The following MAP1S variants were observed in gnomAD, a reference collection of about 807,000 sequenced individuals.
MAP1S encodes the protein microtubule-associated protein 1S.
MAP1S carries 27 observed loss-of-function variants against 60.9 expected under a neutral mutation model. That is an observed-to-expected ratio of 0.44 (90% CI 0.33 to 0.61). The LOEUF is 0.61. Among genes scored for constraint, MAP1S ranks in the 20% least tolerant of loss-of-function variants. The pLI is 0.03. For synonymous variants in MAP1S, 826 were observed against 694.2 expected (o/e 1.19, Z -2.98); for missense variants, 1,608 against 1,486.6 (o/e 1.08, Z -1.34).
At chr19:17,729,389 C>G (rs1464869009) in intron 5 of MAP1S, among the ~76,000 whole-genome samples, 1 of 152,210 alleles carries the variant, frequency 6.6e-6, no homozygotes, top group African/African-American at 2.4e-5. Flanking sequence ...CAGGGAGCCC[C>G]TCTCAGACAG....
intron 1 of MAP1S, chr19:17,720,441 G>T: frequency 6.5e-7 from 1 of 1,534,762 alleles, no homozygotes; most frequent in South Asian, 1.2e-5. Context: ...GTCTGGTTTG[G>T]GGATGGACCC....
chr19:17,730,613 G>A (rs2080484701), intron 5 of MAP1S, among the ~76,000 whole-genome samples: 2 of 152,154 alleles, frequency 1.3e-5, no homozygotes, highest in South Asian at 2.1e-4. Flanking sequence ...ACCATACCTA[G>A]CCCCCTTTGC....
intron 1 of MAP1S, chr19:17,720,575 CT>C (rs2080361926): frequency 1.4e-6 from 2 of 1,398,410 alleles, no homozygotes; most frequent in Non-Finnish European, 9.4e-7. Flanking sequence ...GAAGGGCCCC[CT>C]GGCCAGTAGG....
Position 17,734,333 on chromosome 19 carries a change from G to A in MAP1S, c.3085G>A (p.Ala1029Thr), listed in dbSNP as rs1430821721. 11 of 1,613,838 alleles carry A rather than the reference G, an allele frequency of 6.8e-6. No homozygotes were observed. The highest frequency in any genetic ancestry group is 2.2e-5 in the East Asian group (1 of 44,860). ...GCATACGTGGTACGCAGAGACGCACGCCCGGCACCAGGCGCTGGGCATCAC... is the reference window on the plus strand; with the variant it reads ...GCATACGTGGTACGCAGAGACGCACACCCGGCACCAGGCGCTGGGCATCAC... ...AMHTWYAETH[A>T]RHQALGITVL... The change falls in exon 7 of 7, where the codon GCC becomes ACC. Residue 1029 changes from alanine (A) to threonine (T), a missense_variant. Ala to Thr is a moderately conservative substitution (Grantham distance 58). This residue lies in a region of MAP1S where 76 missense variants were observed against 110.1 expected (regional missense o/e 0.69). Coordinates refer to ENST00000324096, the MANE Select transcript of MAP1S (RefSeq NM_018174.6).
In MAP1S at chr19:17,726,903, G is replaced by A. The variant is rs1438787795; in HGVS notation, c.1519G>A (p.Ala507Thr). ...CCCTGGGGTGGCCCGCAAGGAGCCA[G>A]CACGGGCTGAGGCCCCACGCAAGAC... ...ERPGVARKEP[A>T]RAEAPRKTEK... Residue 507 changes from alanine to threonine, a missense_variant, in exon 5 of 7, where the codon GCA (alanine) becomes ACA (threonine). Transcript: ENST00000324096. The A allele has an allele frequency of 6.4e-7, 1 of 1,561,466 alleles. No individual in the cohort carries two copies. Among genetic ancestry groups the A allele is most frequent in the Non-Finnish European group, 8.7e-7 (1 of 1,153,358 alleles).
rs1188726298 is a variant in MAP1S, at chr19:17,724,165, C to T, written c.260C>T (p.Thr87Ile). 6.2e-7 allele frequency: 1 copy of T among 1,613,978 alleles called. No homozygotes were observed. The highest frequency in any genetic ancestry group is 8.5e-7 in the Non-Finnish European group (1 of 1,179,966). The change falls in exon 3 of 7, where the codon ACC becomes ATC. Residue 87 changes from threonine (T) to isoleucine (I), a missense_variant. This residue lies in a region of MAP1S where 320 missense variants were observed against 393.1 expected (regional missense o/e 0.81). Coordinates refer to ENST00000324096, the MANE Select transcript of MAP1S (RefSeq NM_018174.6). ...SLHHRGDNLE[T>I]LVLLNPSDKS... is the part of the protein sequence containing the mutation. Reference sequence around the variant, plus strand: ...CACCACCGTGGAGACAACCTGGAGACCCTGGTCCTCCTGAACCCATCAGAC... The same window carrying T: ...CACCACCGTGGAGACAACCTGGAGATCCTGGTCCTCCTGAACCCATCAGAC...
Position 17,726,699 on chromosome 19 carries a change from G to C in MAP1S, c.1315G>C (p.Ala439Pro). 1 of 1,589,664 alleles carries C rather than the reference G, an allele frequency of 6.3e-7. No individual in the cohort carries two copies. Among genetic ancestry groups the C allele is most frequent in the Non-Finnish European group, 8.5e-7 (1 of 1,171,840 alleles). The change falls in exon 5 of 7, where the codon GCC (alanine) becomes CCC (proline). Residue 439 changes from alanine to proline, a missense_variant. Physicochemically the swap from Ala to Pro is conservative, Grantham distance 27 (BLOSUM62 -1). This residue lies in a region of MAP1S where 1,167 missense variants were observed against 961.4 expected (regional missense o/e 1.21). Transcript: ENST00000324096. ...GCTGTTCCCCGGTTGCACCCCGCCC[G>C]CCTGCCTCCTGGACGGCCTGGTCCG... ...RVLFPGCTPP[A>P]CLLDGLVRLQ...
At position 17,726,343 on chromosome 19, in the gene MAP1S, G is replaced by T; in HGVS notation, c.959G>T (p.Gly320Val). 1.2e-6 allele frequency: 2 copies of T among 1,601,674 alleles called. No homozygotes were observed. Among genetic ancestry groups the T allele is most frequent in the African/African-American group, 1.3e-5 (1 of 74,976 alleles). ...CGCTCCGAGGTGGCTGCTGGTGGGG[G>T]CTCCTGGGACGACAGGCTGCGCAGG... The part of the protein sequence containing the change: ...AERSEVAAGG[G>V]SWDDRLRRLI... Residue 320 changes from glycine to valine, a missense_variant, in exon 5 of 7, where the codon GGC becomes GTC. Transcript: ENST00000324096.
At position 17,726,696 on chromosome 19, in the gene MAP1S, C is replaced by A. The variant is rs754355639; in HGVS notation, c.1312C>A (p.Pro438Thr). ...CGTGCTGTTCCCCGGTTGCACCCCG[C>A]CCGCCTGCCTCCTGGACGGCCTGGT... is the stretch of plus-strand genomic sequence containing the variant. ...VRVLFPGCTP[P>T]ACLLDGLVRL... Residue 438 changes from proline (P) to threonine (T), a missense_variant, in exon 5 of 7, where the codon CCC (proline) becomes ACC (threonine). This residue lies in a region of MAP1S where 1,167 missense variants were observed against 961.4 expected (regional missense o/e 1.21). Transcript: ENST00000324096. The A allele has an allele frequency of 5.0e-6, 8 of 1,588,816 alleles. No homozygotes were observed. In the South Asian group the frequency reaches 9.1e-5, roughly 18 times the overall value.
intron 2 of MAP1S, among the ~76,000 whole-genome samples, chr19:17,721,616 G>A (rs2080371647): frequency 6.6e-6 from 1 of 152,214 alleles, no homozygotes; most frequent in Admixed American, 6.5e-5. Flanking sequence ...AGAGGTTACA[G>A]TGGGGCTGAG....
intron 5 of MAP1S, among the ~76,000 whole-genome samples, chr19:17,731,560 C>G (rs1351459130): frequency 6.6e-6 from 1 of 152,194 alleles, no homozygotes. Flanking sequence ...CTTGATTCTT[C>G]TATTTCATGA....
Position 17,722,753 on chromosome 19 carries a change from A to AAG in MAP1S, c.221-1358_221-1357dup, listed in dbSNP as rs766560592. ...AATAGAGGGAGATTCCATCTCAAAA[A>AAG]AGAGAGAGAGAGAGAGGGAGGGAGG... On this transcript the variant is annotated intron_variant, in intron 2 of 6. Coordinates refer to ENST00000324096, the MANE Select transcript of MAP1S (RefSeq NM_018174.6). 1.0e-3 allele frequency among the ~76,000 whole-genome samples: 126 copies of AAG among 125,836 alleles called. 1 individual carries two copies. The highest frequency in any genetic ancestry group is 3.2e-3 in the African/African-American group (120 of 37,252). 82.6% of individuals were successfully genotyped at this position (125,836 alleles called of 152,430 possible). A position where few individuals can be genotyped will look rare whatever the true frequency, so the allele number is the denominator to read the frequency against.
chr19:17,727,908 A>G lies in MAP1S; in HGVS notation c.2524A>G (p.Met842Val), dbSNP rs1407334077. 1 of 1,611,506 alleles carries G rather than the reference A, an allele frequency of 6.2e-7. No individual in the cohort carries two copies. The highest frequency in any genetic ancestry group is 8.5e-7 in the Non-Finnish European group (1 of 1,179,524). Residue 842 changes from methionine to valine, a missense_variant, in exon 5 of 7, where the codon ATG becomes GTG. By Grantham distance (21) the Met-to-Val change is conservative. This residue lies in a region of MAP1S where 1,167 missense variants were observed against 961.4 expected (regional missense o/e 1.21). Coordinates refer to ENST00000324096, the MANE Select transcript of MAP1S (RefSeq NM_018174.6). The surrounding 1 kb of genome is among the most constrained non-coding windows in gnomAD (Gnocchi z 4.1). ...ACTGCCTGACCCATCCAGCATCTGC[A>G]TGGTGGACCCCGAGATGCTGCCCCC... ...PPLPDPSSIC[M>V]VDPEMLPPKT...
Position 17,725,469 on chromosome 19 carries a change from G to A in MAP1S, c.444+280G>A, listed in dbSNP as rs1231274632. On this transcript the variant is annotated intron_variant, in intron 4 of 6. Transcript: ENST00000324096. The surrounding 1 kb of genome is among the most constrained non-coding windows in gnomAD (Gnocchi z 4.2). Reference sequence around the variant, plus strand: ...TTCCTGGTGCCCGCAGTCTGGGTAGGACACATGGGCAAAATGGCAAACCTC... The same window carrying A: ...TTCCTGGTGCCCGCAGTCTGGGTAGAACACATGGGCAAAATGGCAAACCTC... Among the ~76,000 whole-genome samples the A allele has an allele frequency of 1.3e-5, 2 of 152,212 alleles. No individual in the cohort carries two copies. Among genetic ancestry groups the A allele is most frequent in the Non-Finnish European group, 2.9e-5 (2 of 68,038 alleles).
chr19:17,722,647 A>T (rs1414361662), intron 2 of MAP1S, among the ~76,000 whole-genome samples: 1 of 150,278 alleles, frequency 6.7e-6, no homozygotes, highest in South Asian at 2.1e-4. Flanking sequence ...TACTTGGGAG[A>T]CTGAGGTTGG....
chr19:17,721,368 C>T, intron 2 of MAP1S: 4 of 375,502 alleles, frequency 1.1e-5, no homozygotes, highest in South Asian at 6.3e-5. Flanking sequence ...CAGTCAAGAC[C>T]CAGCAGTGGA....
chr19:17,727,553 C>T lies in MAP1S; in HGVS notation c.2169C>T (p.Gly723=), dbSNP rs754701972. 3.7e-6 allele frequency: 6 copies of T among 1,607,928 alleles called. No homozygotes were observed. Among genetic ancestry groups the T allele is most frequent in the East Asian group, 4.5e-5 (2 of 44,814 alleles). ...SEAGLSLPLR[G]PRARRSASPH... Reference sequence around the variant, plus strand: ...CTGGGCTGAGCCTCCCGCTGCGTGGCCCCCGGGCGCGGCGCTCGGCTTCCC... The same window carrying T: ...CTGGGCTGAGCCTCCCGCTGCGTGGTCCCCGGGCGCGGCGCTCGGCTTCCC... The change falls in exon 5 of 7, where the codon GGC becomes GGT. Residue 723 remains glycine (G), a synonymous_variant. Transcript: ENST00000324096. This position sits in a 1 kb window ranked among gnomAD's most constrained non-coding sequence, Gnocchi z 4.1.
intron 2 of MAP1S, among the ~76,000 whole-genome samples, chr19:17,723,025 G>C (rs961465314): frequency 6.6e-6 from 1 of 151,584 alleles, no homozygotes; most frequent in Non-Finnish European, 1.5e-5. Context: ...CCCCCACCCC[G>C]GCTCTGGCTC....
rs772064131 is a variant in MAP1S, at chr19:17,726,913, A to G, written c.1529A>G (p.Glu510Gly). The change falls in exon 5 of 7, where the codon GAG (glutamate) becomes GGG (glycine). Residue 510 changes from glutamate to glycine, a missense_variant. Around this residue, in one of 4 missense-constraint regions of MAP1S, gnomAD observed 1,167 missense variants for 961.4 expected, o/e 1.21. Transcript: ENST00000324096. ...GVARKEPARA[E>G]APRKTEKEAK... ...GCCCGCAAGGAGCCAGCACGGGCTG[A>G]GGCCCCACGCAAGACTGAGAAAGAA... 63 of 1,563,948 alleles carry G rather than the reference A, an allele frequency of 4.0e-5. No homozygotes were observed. Among genetic ancestry groups the G allele is most frequent in the Non-Finnish European group, 5.1e-5 (59 of 1,154,900 alleles).
Sources: gnomAD v4.1 joint callset for allele counts (sites outside exome capture counted in the v4.1 genomes callset) on GRCh38, gnomAD v4.1.1 for gene constraint, gnomAD v4.1.1 regional missense constraint, Gnocchi (gnomAD v3.1) non-coding constraint, MANE v1.5 for transcripts, NCBI Gene and HGNC (gene_info 2026-07-23, HGNC 2026-07-21) for gene names.